TRPM3: variants seen among roughly 807,000 people sequenced by gnomAD.
TRPM3 encodes transient receptor potential cation channel subfamily M member 3.
TRPM3 carries 77 observed loss-of-function variants against 181.2 expected under a neutral mutation model. That is an observed-to-expected ratio of 0.42 (90% confidence interval 0.35 to 0.51). The LOEUF (loss-of-function observed/expected upper bound fraction) is 0.51. Among genes scored for constraint, TRPM3 ranks in the 20% least tolerant of loss-of-function variants. The probability of loss-of-function intolerance (pLI) is 0.01; values close to 1 mark genes in which losing one functional copy is unlikely to be tolerated. For missense variants in TRPM3, 1,759 were observed against 2,196.7 expected (o/e 0.80, Z 3.98); for synonymous variants, 745 against 796.4 (o/e 0.94, Z 1.09).
At chr9:70,848,202 A>G (rs191173495) in intron 3 of TRPM3, among the ~76,000 whole-genome samples, 1 of 152,320 alleles carries the variant, frequency 6.6e-6, no homozygotes, top group Non-Finnish European at 1.5e-5. Flanking sequence ...AAAAGAACCA[A>G]ACAGAACTTC....
chr9:71,303,352 T>C (rs2086953111), intron 1 of TRPM3, among the ~76,000 whole-genome samples: 1 of 152,248 alleles, frequency 6.6e-6, no homozygotes, highest in Non-Finnish European at 1.5e-5. Flanking sequence ...CAAAGTTAAA[T>C]ATCTCTTTAT....
At chr9:71,120,301 C>T (rs1424592821) in intron 1 of TRPM3, among the ~76,000 whole-genome samples, 2 of 152,092 alleles carry the variant, frequency 1.3e-5, no homozygotes, top group East Asian at 3.9e-4. Flanking sequence ...TTATTTTTCC[C>T]TATTAAGTAT....
At chr9:70,935,128 G>C (rs192534234) in intron 1 of TRPM3, among the ~76,000 whole-genome samples, 3 of 152,032 alleles carry the variant, frequency 2.0e-5, no homozygotes, top group Non-Finnish European at 4.4e-5. Context: ...GAATGCCCAC[G>C]CACCCAGTGG....
intron 1 of TRPM3, among the ~76,000 whole-genome samples, chr9:71,207,672 A>G (rs760713341): frequency 6.6e-6 from 1 of 152,194 alleles, no homozygotes; most frequent in Non-Finnish European, 1.5e-5. Context: ...TAATGTAATT[A>G]CAGAAACTCT....
At chr9:70,912,355 C>T (rs1385274434) in intron 1 of TRPM3, among the ~76,000 whole-genome samples, 2 of 152,104 alleles carry the variant, frequency 1.3e-5, no homozygotes, top group Non-Finnish European at 1.5e-5. Flanking sequence ...CAAAACAGCC[C>T]TTTTATGGAT....
intron 1 of TRPM3, among the ~76,000 whole-genome samples, chr9:71,147,247 T>C (rs934960083): frequency 2.0e-4 from 31 of 152,292 alleles, no homozygotes; most frequent in African/African-American, 7.2e-4. Flanking sequence ...GTATTAACTG[T>C]GGCTTAATAT....
In TRPM3 at chr9:70,553,055, A is replaced by C. The variant is rs1445853453; in HGVS notation, c.3375-12T>G. The C allele has an allele frequency of 1.2e-6, 2 of 1,614,108 alleles. No homozygotes were observed. Among genetic ancestry groups the C allele is most frequent in the Non-Finnish European group, 1.7e-6 (2 of 1,179,954 alleles). On this transcript the variant is annotated splice_polypyrimidine_tract_variant and intron_variant, in intron 23 of 25. Transcript: ENST00000677713. ...CAAAAAATGTATTGCTAAAATAGAG[A>C]CCAAAGAGAATCAAGTGAGAAAAAC...
At chr9:71,040,701 C>G (rs1206806308) in intron 1 of TRPM3, among the ~76,000 whole-genome samples, 6 of 152,248 alleles carry the variant, frequency 3.9e-5, no homozygotes, top group African/African-American at 1.4e-4. Context: ...TAGCAAGCAT[C>G]ACCTCAACTT....
chr9:70,996,650 A>G (rs1285458568), intron 1 of TRPM3, among the ~76,000 whole-genome samples: 2 of 152,114 alleles, frequency 1.3e-5, no homozygotes, highest in Non-Finnish European at 2.9e-5. Flanking sequence ...CTCCCTGTCT[A>G]ATTTCTATTG....
intron 1 of TRPM3, among the ~76,000 whole-genome samples, chr9:71,359,750 A>G (rs1236857138): frequency 1.3e-5 from 2 of 152,116 alleles, no homozygotes; most frequent in Admixed American, 6.6e-5. Flanking sequence ...GGGCAATTCA[A>G]ATTCTGGGTG....
chr9:70,849,619 C>G (rs1444735399), intron 3 of TRPM3, among the ~76,000 whole-genome samples: 4 of 152,032 alleles, frequency 2.6e-5, no homozygotes, highest in Non-Finnish European at 5.9e-5. Flanking sequence ...AGTGACAGAA[C>G]TAAAACACTG....
intron 1 of TRPM3, among the ~76,000 whole-genome samples, chr9:71,226,009 T>TAAAAAAAAAAAAAAAAAAAA: frequency 6.1e-4 from 21 of 34,708 alleles, no homozygotes; most frequent in Non-Finnish European, 6.8e-4. Flanking sequence ...CAACAAAAGG[T>TAAAAAAAAAAAAAAAAAAAA]AAAAAAAAAA....
At chr9:71,330,466 G>T (rs368711826) in intron 1 of TRPM3, among the ~76,000 whole-genome samples, 3 of 144,888 alleles carry the variant, frequency 2.1e-5, no homozygotes, top group East Asian at 3.9e-4. Flanking sequence ...TTTATTGAAT[G>T]CCAGCTACTT....
rs1281392269 is a variant in TRPM3 at position 71,271,873 on chromosome 9, G to GAC, written c.183+174779_183+174780insGT. On this transcript the variant is annotated intron_variant, in intron 1 of 24. Transcript: ENST00000357533. ...GAAAGAAAGGGGCAAACTGTAGAGT[G>GAC]ATGAGAAGAGAAAAAAAGATAAAGA... is the stretch of plus-strand genomic sequence containing the variant. Among the ~76,000 whole-genome samples, 613 of 152,258 alleles carry GAC rather than the reference G, an allele frequency of 4.0e-3. 2 individuals carry two copies. The highest frequency in any genetic ancestry group is 0.014 in the African/African-American group (589 of 41,558).
intron 22 of TRPM3, among the ~76,000 whole-genome samples, chr9:70,570,831 T>C (rs949534910): frequency 5.9e-5 from 9 of 152,178 alleles, no homozygotes; most frequent in African/African-American, 1.7e-4. Context: ...AAAGAAAATA[T>C]AGGGCTTGAT....
rs571045291 is a variant in TRPM3 at position 70,811,342 on chromosome 9, C to G, written c.973+16505G>C. 2.4e-5 allele frequency: 25 copies of G among 1,027,268 alleles called. No individual in the cohort carries two copies. In the South Asian group the frequency reaches 3.5e-4, roughly 14 times the overall value. 63.6% of individuals were successfully genotyped at this position (1,027,268 alleles called of 1,614,324 possible). ...TACCCAATTTACATAAATTTATATA[C>G]GTGATGGCAACTCAAGTTGCACAGT... On this transcript the variant is annotated intron_variant, in intron 6 of 25. Coordinates refer to ENST00000677713, the MANE Select transcript of TRPM3 (RefSeq NM_001366145.2).
chr9:71,069,037 A>G (rs180918576), intron 1 of TRPM3, among the ~76,000 whole-genome samples: 1 of 152,232 alleles, frequency 6.6e-6, no homozygotes, highest in Admixed American at 6.5e-5. Flanking sequence ...AGATTTAATT[A>G]AACAATGCCC....
At chr9:70,579,247 T>G (rs1040452519) in intron 22 of TRPM3, 3 of 152,132 alleles carry the variant, frequency 2.0e-5, no homozygotes, top group Non-Finnish European at 4.4e-5. Flanking sequence ...GCATGGGAGT[T>G]TTGGTCTGTT....
chr9:71,004,522 G>T (rs2097652478), intron 1 of TRPM3, among the ~76,000 whole-genome samples: 1 of 152,196 alleles, frequency 6.6e-6, no homozygotes, highest in African/African-American at 2.4e-5. Flanking sequence ...ACAGGCAAAT[G>T]GGGGAGGTCT....
Sources: allele counts gnomAD v4.1 joint callset (sites outside exome capture counted in the v4.1 genomes callset), GRCh38; gene constraint gnomAD v4.1.1; transcripts MANE v1.5; gene names NCBI Gene and HGNC (gene_info 2026-07-23, HGNC 2026-07-21).